Variants in EPG5 observed in about 807,000 individuals in gnomAD.
EPG5 encodes ectopic P-granules 5 autophagy tethering factor.
Under a neutral mutation model 302.7 loss-of-function variants are expected in EPG5, and 159 were observed. The ratio of observed to expected loss-of-function variants is 0.53; its 90% CI spans 0.46 to 0.60. The LOEUF (loss-of-function observed/expected upper bound fraction) is 0.60, where lower values mean the gene tolerates loss of function less well. Among genes scored for constraint, EPG5 ranks in the 20% least tolerant of loss-of-function variants. The pLI is 0.00. For missense variants in EPG5, 2,896 were observed against 3,092.4 expected (o/e 0.94, Z 1.51); for synonymous variants, 1,158 against 1,136.8 (o/e 1.02, Z -0.37).
At chr18:45,943,786 T>C (rs528213322) in intron 8 of EPG5, among the ~76,000 whole-genome samples, 7 of 152,032 alleles carry the variant, frequency 4.6e-5, no homozygotes, top group Non-Finnish European at 8.8e-5. Flanking sequence ...CCGGGCGTGG[T>C]GGCGGGCGCC....
chr18:45,838,993 G>T, the EPG5 span: 1 of 1,597,094 alleles, frequency 6.3e-7, no homozygotes, highest in Admixed American at 1.7e-5. Flanking sequence ...CTTCCATGGC[G>T]CCAGCGGGGC....
rs1322098770 is a variant in EPG5 at position 45,925,807 on chromosome 18, GT to G, written c.2648del (p.Asn883ThrfsTer2). Reference sequence around the variant, plus strand: ...CCAGTTTATTCTTCACCACTGTCAGGTTGTAATTCAATAACCAATCCCGAAT... The same window carrying G: ...CCAGTTTATTCTTCACCACTGTCAGGTGTAATTCAATAACCAATCCCGAAT... ...AVIRDWLLNYNLTVVKNKLAC... is the reference protein window; with the variant it reads ...AVIRDWLLNYXLTVVKNKLAC... On this transcript the variant is annotated frameshift_variant, in exon 14 of 44. Coordinates refer to ENST00000282041, the MANE Select transcript of EPG5 (RefSeq NM_020964.3). LOFTEE classifies it high-confidence loss of function. 1 of 1,577,324 alleles carries G rather than the reference GT, an allele frequency of 6.3e-7. No individual in the cohort carries two copies. Among genetic ancestry groups the G allele is most frequent in the Non-Finnish European group, 8.6e-7 (1 of 1,165,098 alleles).
In EPG5 at chr18:45,955,029, C is replaced by T. The variant is rs746907007; in HGVS notation, c.373G>A (p.Gly125Arg). 3 of 1,614,180 alleles carry T rather than the reference C, an allele frequency of 1.9e-6. No individual in the cohort carries two copies. The East Asian group carries it at 6.7e-5, about 36-fold the overall frequency. The change falls in exon 2 of 44, where the codon GGA becomes AGA. Residue 125 changes from glycine (G) to arginine (R), a missense_variant. This residue lies in a region of EPG5 where 1,390 missense variants were observed against 1,430.0 expected (regional missense o/e 0.97). Transcript: ENST00000282041. ...DSAVTPKVHP[G>R]DNVGTKVETP... is the part of the protein sequence containing the mutation. ...TCTACTTTAGTTCCAACATTGTCTC[C>T]AGGGTGGACCTTTGGAGTGACTGCA...
Position 45,852,266 on chromosome 18 carries a change from T to C in EPG5, c.*201A>G, listed in dbSNP as rs2048432796. 2.0e-6 allele frequency: 1 copy of C among 505,270 alleles called. No individual in the cohort carries two copies. The highest frequency in any genetic ancestry group is 3.7e-5 in the Admixed American group (1 of 27,164). The allele number at this position is 505,270 out of a possible 1,614,324, so 31.3% of individuals were successfully genotyped here. ...AAACTTAAAGAGTCCCCAGAAGGTC[T>C]TAAGAGCTAAGAAAACACACACACA... On this transcript the variant is annotated 3_prime_UTR_variant, in exon 44 of 44. Transcript: ENST00000282041.
chr18:45,857,714 CTTT>C, intron 42 of EPG5, 136 bp downstream of exon 42: 1 of 421,276 alleles, frequency 2.4e-6, no homozygotes, highest in Non-Finnish European at 4.1e-6. Context: ...TTTTTTTTTT[CTTT>C]TTTTTTTTCC....
chr18:45,879,558 A>G (rs2049046248), intron 32 of EPG5, among the ~76,000 whole-genome samples: 1 of 152,134 alleles, frequency 6.6e-6, no homozygotes, highest in Non-Finnish European at 1.5e-5. Context: ...TAGTAGAGAC[A>G]GGGTTTCACC....
At chr18:45,913,590 C>G (rs990548236) in intron 21 of EPG5, 116 bp downstream of exon 21, 15 of 1,293,082 alleles carry the variant, frequency 1.2e-5, no homozygotes, top group Middle Eastern at 1.9e-4. Context: ...GGTTGTTGAG[C>G]TTTCCAAACA....
chr18:45,909,023 T>C (rs1324101644), intron 23 of EPG5, among the ~76,000 whole-genome samples: 3 of 152,236 alleles, frequency 2.0e-5, no homozygotes, highest in Non-Finnish European at 4.4e-5. Flanking sequence ...TTTATTTTGC[T>C]TTTGTTTTTA....
At chr18:45,860,453 A>T in intron 39 of EPG5, 107 bp from the exon 40 acceptor site, 1 of 1,424,734 alleles carries the variant, frequency 7.0e-7, no homozygotes, top group South Asian at 1.3e-5. Context: ...GGCAGATTTT[A>T]CAGTGCTAGT....
chr18:45,803,616 G>A, the EPG5 span, among the ~76,000 whole-genome samples: 1 of 152,286 alleles, frequency 6.6e-6, no homozygotes, highest in Middle Eastern at 3.4e-3. Flanking sequence ...CTCAAAGGGA[G>A]AGAGCCAGAG....
At chr18:45,837,957 C>T in the EPG5 span, 45 of 1,419,798 alleles carry the variant, frequency 3.2e-5, no homozygotes, top group Non-Finnish European at 4.0e-5. Context: ...TGCCCCGCCC[C>T]AAGGGCTACG....
chr18:45,961,404 A>G (rs927229760), intron 1 of EPG5, among the ~76,000 whole-genome samples: 5 of 152,146 alleles, frequency 3.3e-5, no homozygotes, highest in African/African-American at 1.2e-4. Flanking sequence ...CTCACTCTGC[A>G]CTAACCACAC....
intron 35 of EPG5, among the ~76,000 whole-genome samples, chr18:45,873,489 A>C (rs1448466026): frequency 1.3e-5 from 2 of 152,214 alleles, no homozygotes; most frequent in African/African-American, 4.8e-5. Flanking sequence ...CAGCCTGGGC[A>C]ACAGAGTGAG....
the EPG5 span, among the ~76,000 whole-genome samples, chr18:45,819,034 TA>T: frequency 5.9e-5 from 9 of 152,168 alleles, no homozygotes; most frequent in African/African-American, 2.2e-4. Flanking sequence ...GTGCCTGGCC[TA>T]AACTTTTAAA....
intron 27 of EPG5, among the ~76,000 whole-genome samples, chr18:45,896,831 C>T (rs915285140): frequency 6.6e-5 from 10 of 152,120 alleles, no homozygotes; most frequent in African/African-American, 2.4e-4. Flanking sequence ...ACAGGAGTGA[C>T]CCACCACGCT....
intron 16 of EPG5, 95 bp from the exon 17 acceptor site, chr18:45,917,914 A>T: frequency 7.7e-7 from 1 of 1,305,742 alleles, no homozygotes; most frequent in Non-Finnish European, 1.1e-6. Flanking sequence ...ACCTTGGGTT[A>T]TCTCAGGTCT....
Position 45,934,953 on chromosome 18 carries a change from G to T in EPG5, c.2113C>A (p.Leu705Met). ...VLKAKRLGIWLFMSEMPFGTL... is the reference protein window; with the variant it reads ...VLKAKRLGIWMFMSEMPFGTL... ...CCAAAGGGCATCTCGGACATAAACA[G>T]CCAAATGCCAAGTCTGCATGTAAGC... Residue 705 changes from leucine (L) to methionine (M), a missense_variant, in exon 11 of 44, where the codon CTG (leucine) becomes ATG (methionine). Around this residue, in one of 5 missense-constraint regions of EPG5, gnomAD observed 1,390 missense variants for 1,430.0 expected, o/e 0.97. Coordinates refer to ENST00000282041, the MANE Select transcript of EPG5 (RefSeq NM_020964.3). The T allele has an allele frequency of 6.2e-7, 1 of 1,610,536 alleles. No homozygotes were observed. Among genetic ancestry groups the T allele is most frequent in the Non-Finnish European group, 8.5e-7 (1 of 1,178,918 alleles).
Position 45,934,832 on chromosome 18 carries a change from G to A in EPG5, c.2234C>T (p.Ala745Val). The A allele has an allele frequency of 1.2e-6, 2 of 1,613,928 alleles. No homozygotes were observed. The highest frequency in any genetic ancestry group is 1.7e-6 in the Non-Finnish European group (2 of 1,179,934). The change falls in exon 11 of 44, where the codon GCC (alanine) becomes GTC (valine). Residue 745 changes from alanine (A) to valine (V), a missense_variant. This residue lies in a region of EPG5 where 1,390 missense variants were observed against 1,430.0 expected (regional missense o/e 0.97). Coordinates refer to ENST00000282041, the MANE Select transcript of EPG5 (RefSeq NM_020964.3). Reference protein sequence around the residue: ...LQQLSSSLQPAQCKQQLQDPE... With the variant: ...LQQLSSSLQPVQCKQQLQDPE... ...ACCTTGGAGCTGCTGCTTGCACTGG[G>A]CGGGCTGCAGGGAGGAGGAGAGCTG...
chr18:45,934,258 C>G (rs1305175698), intron 11 of EPG5, among the ~76,000 whole-genome samples: 2 of 151,920 alleles, frequency 1.3e-5, no homozygotes, highest in East Asian at 3.9e-4. Context: ...CACTCCACTC[C>G]AACCTGGGTG....
Sources: gnomAD v4.1 joint callset for allele counts (sites outside exome capture counted in the v4.1 genomes callset) on GRCh38, gnomAD v4.1.1 for gene constraint, gnomAD v4.1.1 regional missense constraint, MANE v1.5 for transcripts, NCBI Gene and HGNC (gene_info 2026-07-23, HGNC 2026-07-21) for gene names.